NTM: variants seen among roughly 807,000 people sequenced by gnomAD.
The protein encoded by NTM is neurotrimin.
In NTM, 13 loss-of-function variants were observed where a neutral mutation model predicts 42.1. The ratio of observed to expected loss-of-function variants is 0.31; its 90% CI spans 0.20 to 0.49. NTM has a LOEUF of 0.49. Ranked by LOEUF, NTM falls within the 20% of genes least tolerant of loss-of-function variation. The probability of loss-of-function intolerance (pLI) is 0.99; values close to 1 mark genes in which losing one functional copy is unlikely to be tolerated. For missense variants in NTM, 373 were observed against 452.8 expected (o/e 0.82, Z 1.60); for synonymous variants, 187 against 179.2 (o/e 1.04, Z -0.35).
At chr11:131,432,877 G>A (rs1228629351) in intron 1 of NTM, among the ~76,000 whole-genome samples, 3 of 72,666 alleles carry the variant, frequency 4.1e-5, no homozygotes, top group East Asian at 2.9e-4. Context: ...TTTTTGAGAC[G>A]GAGTCTCACT....
chr11:131,573,752 A>G (rs1392537178), intron 1 of NTM, among the ~76,000 whole-genome samples: 3 of 152,230 alleles, frequency 2.0e-5, no homozygotes, highest in Non-Finnish European at 4.4e-5. Flanking sequence ...CTGTCTCTCC[A>G]TGGAAAGATC....
intron 2 of NTM, among the ~76,000 whole-genome samples, chr11:132,084,433 G>A (rs977175472): frequency 5.3e-5 from 8 of 152,082 alleles, no homozygotes; most frequent in African/African-American, 1.4e-4. Context: ...AACACATTTT[G>A]TTAATTCTAT....
intron 1 of NTM, among the ~76,000 whole-genome samples, chr11:131,496,301 T>C (rs1021132647): frequency 1.3e-5 from 2 of 152,236 alleles, no homozygotes; most frequent in Non-Finnish European, 2.9e-5. Flanking sequence ...CTGCGGACAG[T>C]CAGCTGGAGT....
chr11:131,620,602 A>G (rs1222240420), intron 1 of NTM, among the ~76,000 whole-genome samples: 1 of 152,172 alleles, frequency 6.6e-6, no homozygotes, highest in Admixed American at 6.5e-5. Context: ...ATCCTGCCTC[A>G]GGGCCTTGGC....
At chr11:131,874,030 AATAT>A (rs59083400) in intron 1 of NTM, among the ~76,000 whole-genome samples, 4,644 of 76,018 alleles carry the variant, frequency 0.061, 209 homozygotes, top group Middle Eastern at 0.1. Context: ...AATATAATAT[AATAT>A]ATATATATAT....
chr11:131,489,056 G>C (rs1042098045), intron 1 of NTM, among the ~76,000 whole-genome samples: 2 of 152,122 alleles, frequency 1.3e-5, no homozygotes, highest in African/African-American at 4.8e-5. Flanking sequence ...CCTCTGTGAG[G>C]GTTCTTGATT....
At chr11:132,080,774 A>T (rs1360128245) in intron 2 of NTM, among the ~76,000 whole-genome samples, 1 of 151,944 alleles carries the variant, frequency 6.6e-6, no homozygotes, top group African/African-American at 2.4e-5. Context: ...ATTTTAATCT[A>T]AAAAAAACTG....
At chr11:131,378,641 A>G (rs1477469356) in intron 1 of NTM, among the ~76,000 whole-genome samples, 4 of 152,192 alleles carry the variant, frequency 2.6e-5, no homozygotes, top group East Asian at 1.9e-4. Flanking sequence ...ATGACTCTCA[A>G]TTGATCAATT....
chr11:131,552,536 C>T (rs967151364), intron 1 of NTM, among the ~76,000 whole-genome samples: 2 of 145,782 alleles, frequency 1.4e-5, no homozygotes, highest in Non-Finnish European at 3.0e-5. Flanking sequence ...CCTCAAGAGG[C>T]CGAGCGCGGT....
intron 1 of NTM, among the ~76,000 whole-genome samples, chr11:131,427,376 T>A (rs1948242333): frequency 6.6e-6 from 1 of 151,994 alleles, no homozygotes; most frequent in Admixed American, 6.6e-5. Context: ...GAAAAAAAAA[T>A]AAGTATAGCT....
chr11:131,640,352 G>T (rs1400204502), intron 1 of NTM, among the ~76,000 whole-genome samples: 1 of 152,160 alleles, frequency 6.6e-6, no homozygotes, highest in Admixed American at 6.5e-5. Flanking sequence ...TCCTGAAAAA[G>T]ATTATTCACA....
intron 2 of NTM, among the ~76,000 whole-genome samples, chr11:131,962,904 G>A (rs780586538): frequency 1.3e-5 from 2 of 152,034 alleles, no homozygotes; most frequent in Non-Finnish European, 2.9e-5. Context: ...ACCTCCAAAC[G>A]TTCATTAATA....
intron 1 of NTM, among the ~76,000 whole-genome samples, chr11:131,657,956 C>T (rs896175967): frequency 6.6e-6 from 1 of 152,088 alleles, no homozygotes; most frequent in African/African-American, 2.4e-5. Context: ...ATGTGAGTGA[C>T]ACATTCTGAA....
chr11:132,041,838 C>T (rs1484590180), intron 2 of NTM, among the ~76,000 whole-genome samples: 1 of 152,200 alleles, frequency 6.6e-6, no homozygotes, highest in African/African-American at 2.4e-5. Flanking sequence ...CACTGACCCA[C>T]ACTGAGGCTT....
intron 1 of NTM, among the ~76,000 whole-genome samples, chr11:131,689,105 A>T (rs1318567653): frequency 6.6e-6 from 1 of 152,256 alleles, no homozygotes; most frequent in Non-Finnish European, 1.5e-5. Flanking sequence ...CCCCCGAGGA[A>T]GGAAGGAACA....
chr11:132,240,002 TCATC>T (rs1159593997), intron 4 of NTM, among the ~76,000 whole-genome samples: 1 of 150,594 alleles, frequency 6.6e-6, no homozygotes, highest in East Asian at 2.0e-4. Context: ...ATCCATCCAT[TCATC>T]CATCCAACCA....
chr11:131,392,733 G>T (rs1944165615), intron 1 of NTM, among the ~76,000 whole-genome samples: 1 of 152,186 alleles, frequency 6.6e-6, no homozygotes, highest in Non-Finnish European at 1.5e-5. Context: ...CCCAGTGGCA[G>T]AATCTACATG....
chr11:131,447,714 C>T (rs572925419), intron 1 of NTM, among the ~76,000 whole-genome samples: 61 of 152,192 alleles, frequency 4.0e-4, no homozygotes, highest in Non-Finnish European at 4.7e-4. Flanking sequence ...GCCACAAAGA[C>T]GAGATGATGG....
chr11:132,266,743 C>T (rs545583342), intron 4 of NTM, among the ~76,000 whole-genome samples: 1 of 152,176 alleles, frequency 6.6e-6, no homozygotes, highest in Non-Finnish European at 1.5e-5. Flanking sequence ...ATGCTCATAA[C>T]AGTTTTGGGT....
Sources: gnomAD v4.1 joint callset for allele counts (sites outside exome capture counted in the v4.1 genomes callset) on GRCh38, gnomAD v4.1.1 for gene constraint, MANE v1.5 for transcripts, NCBI Gene and HGNC (gene_info 2026-07-23, HGNC 2026-07-21) for gene names.